ZNF362: variants seen among roughly 807,000 people sequenced by gnomAD.
ZNF362 encodes zinc finger protein 362.
A neutral mutation model predicts 42.9 loss-of-function variants in ZNF362; 11 were observed. That is an observed-to-expected ratio of 0.26 (90% CI 0.16 to 0.42). ZNF362 has a LOEUF of 0.42. Among genes scored for constraint, ZNF362 ranks in the 20% least tolerant of loss-of-function variants. The probability of loss-of-function intolerance (pLI) is 1.00; values close to 1 mark genes in which losing one functional copy is unlikely to be tolerated. For synonymous variants in ZNF362, 255 were observed against 257.3 expected, an observed-to-expected ratio of 0.99 and a Z score of 0.09; for missense variants, 362 against 576.2, an observed-to-expected ratio of 0.63 and a Z score of 3.81.
At chr1:33,229,036 C>T in the ZNF362 span, among the ~76,000 whole-genome samples, 7 of 152,112 alleles carry the variant, frequency 4.6e-5, no homozygotes, top group Admixed American at 2.0e-4. Flanking sequence ...TGGTTTTCCT[C>T]GAGGTATCTG....
intron 1 of ZNF362, among the ~76,000 whole-genome samples, chr1:33,256,890 G>C (rs1330189760): frequency 6.6e-6 from 1 of 150,426 alleles, no homozygotes; most frequent in South Asian, 2.1e-4. Context: ...GGCGTGTCTG[G>C]GGCTGGTCTC....
At chr1:33,177,051 G>A in the ZNF362 span, among the ~76,000 whole-genome samples, 2 of 12,852 alleles carry the variant, frequency 1.6e-4, no homozygotes, top group Admixed American at 5.1e-4. This position sits in a 1 kb window ranked among gnomAD's most constrained non-coding sequence, Gnocchi z 4.1. Flanking sequence ...ACACACACAC[G>A]CACACACACA....
the ZNF362 span, among the ~76,000 whole-genome samples, chr1:33,230,172 A>G: frequency 6.6e-6 from 1 of 152,172 alleles, no homozygotes; most frequent in African/African-American, 2.4e-5. Flanking sequence ...TTAACATTCC[A>G]ATGTCTCAGT....
chr1:33,295,158 C>G lies in ZNF362; in HGVS notation c.999C>G (p.Arg333=). 2.5e-6 allele frequency: 4 copies of G among 1,614,144 alleles called. No homozygotes were observed. Among genetic ancestry groups the G allele is most frequent in the South Asian group, 1.1e-5 (1 of 91,086 alleles). ...CTGTGCCCCTACAGTCTCACCAGCG[C>G]CAGCACAACAAGGACAAGCCCTACA... ...TQLSNLQSHQ[R]QHNKDKPYKC... The change falls in exon 8 of 9, where the codon CGC becomes CGG. Residue 333 remains arginine (R), a synonymous_variant. Coordinates refer to ENST00000539719, the MANE Select transcript of ZNF362 (RefSeq NM_152493.3).
the ZNF362 span, among the ~76,000 whole-genome samples, chr1:33,247,791 C>G: frequency 1.3e-5 from 2 of 152,236 alleles, no homozygotes; most frequent in Non-Finnish European, 2.9e-5. Flanking sequence ...TAAGTAGTTA[C>G]TGTCATCGGC....
chr1:33,157,987 C>T, the ZNF362 span, among the ~76,000 whole-genome samples: 6 of 152,158 alleles, frequency 3.9e-5, no homozygotes, highest in Admixed American at 2.0e-4. Flanking sequence ...GAACTCCTGA[C>T]CTCATGATCC....
the ZNF362 span, among the ~76,000 whole-genome samples, chr1:33,229,393 TTTCTA>T: frequency 6.6e-6 from 1 of 150,552 alleles, no homozygotes; most frequent in Non-Finnish European, 1.5e-5. Flanking sequence ...CAAAAAGTCA[TTTCTA>T]TTCTGCCTTT....
chr1:33,293,554 G>A (rs1285029324), intron 6 of ZNF362, among the ~76,000 whole-genome samples: 2 of 152,202 alleles, frequency 1.3e-5, no homozygotes, highest in Non-Finnish European at 2.9e-5. Context: ...CCCAGTCAGT[G>A]AGAGGGGCTG....
chr1:33,191,944 G>A, the ZNF362 span, among the ~76,000 whole-genome samples: 1 of 152,222 alleles, frequency 6.6e-6, no homozygotes, highest in African/African-American at 2.4e-5. Context: ...TCTGCCTTAG[G>A]GGAGGCCTCT....
the ZNF362 span, among the ~76,000 whole-genome samples, chr1:33,220,033 G>A: frequency 6.6e-6 from 1 of 152,174 alleles, no homozygotes; most frequent in Admixed American, 6.5e-5. Flanking sequence ...TTTCTGATGG[G>A]CATGACTATG....
chr1:33,250,716 C>G, the ZNF362 span, among the ~76,000 whole-genome samples: 3 of 149,718 alleles, frequency 2.0e-5, no homozygotes, highest in Admixed American at 1.3e-4. Context: ...ATCTGCACAT[C>G]CTGCACATGT....
the ZNF362 span, among the ~76,000 whole-genome samples, chr1:33,250,852 G>GGAAGAAGAATAAGAAGAA: frequency 7.3e-6 from 1 of 137,484 alleles, no homozygotes; most frequent in Non-Finnish European, 1.5e-5. Flanking sequence ...GAAGAAAGAA[G>GGAAGAAGAATAAGAAGAA]GAAGAAGAAG....
Position 33,299,088 on chromosome 1 carries a change from C to T in ZNF362, c.*42C>T. ...GCCCCACCCGGCCCACTGGCAGACA[C>T]AGACCCAGGCAGCACCAGGCCCCAG... On this transcript the variant is annotated 3_prime_UTR_variant, in exon 9 of 9. Transcript: ENST00000539719. The T allele has an allele frequency of 6.6e-7, 1 of 1,508,372 alleles. No individual in the cohort carries two copies. The highest frequency in any genetic ancestry group is 1.1e-5 in the South Asian group (1 of 89,122). The allele number at this position is 1,508,372 out of a possible 1,614,324, so 93.4% of individuals were successfully genotyped here. A position where few individuals can be genotyped will look rare whatever the true frequency, so the allele number is the denominator to read the frequency against.
At chr1:33,235,325 A>G in the ZNF362 span, among the ~76,000 whole-genome samples, 1 of 151,814 alleles carries the variant, frequency 6.6e-6, no homozygotes, top group South Asian at 2.1e-4. Context: ...GGCCAGACAC[A>G]TGATTAGTTT....
In ZNF362 at chr1:33,280,491, C is replaced by T. The variant is rs201466423; in HGVS notation, c.683+34C>T. 328 of 1,515,658 alleles carry T rather than the reference C, an allele frequency of 2.2e-4. 1 individual carries two copies. The African/African-American group carries it at 4.3e-3, about 20-fold the overall frequency. The allele number at this position is 1,515,658 out of a possible 1,614,324, so 93.9% of individuals were successfully genotyped here. A position where few individuals can be genotyped will look rare whatever the true frequency, so the allele number is the denominator to read the frequency against. ...CTTGGCGGGATGGGGTCCGAGTGGG[C>T]TTGGGGCTGGGGCTTGAGCCAGGGC... On this transcript the variant is annotated intron_variant, in intron 5 of 8. Transcript: ENST00000539719. This position sits in a 1 kb window ranked among gnomAD's most constrained non-coding sequence, Gnocchi z 5.6.
At chr1:33,243,791 A>G in the ZNF362 span, among the ~76,000 whole-genome samples, 3 of 90,550 alleles carry the variant, frequency 3.3e-5, no homozygotes, top group African/African-American at 4.3e-5. Flanking sequence ...TTGTATTTTT[A>G]GTAGAGACAG....
intron 1 of ZNF362, among the ~76,000 whole-genome samples, chr1:33,264,905 A>G (rs1380227227): frequency 6.6e-6 from 1 of 152,050 alleles, no homozygotes; most frequent in Non-Finnish European, 1.5e-5. Context: ...CTCCTGATAC[A>G]TGCTTTGTAA....
At chr1:33,274,690 T>C (rs1173131266) in intron 2 of ZNF362, among the ~76,000 whole-genome samples, 1 of 152,190 alleles carries the variant, frequency 6.6e-6, no homozygotes, top group South Asian at 2.1e-4. Context: ...CATTTGCATA[T>C]GGGCATTTGC....
chr1:33,188,781 A>G, the ZNF362 span, among the ~76,000 whole-genome samples: 35 of 152,216 alleles, frequency 2.3e-4, no homozygotes, highest in Non-Finnish European at 4.7e-4. Context: ...GCTCTGGGGC[A>G]GCTAAGGAGA....
Sources: allele counts gnomAD v4.1 joint callset (sites outside exome capture counted in the v4.1 genomes callset), GRCh38; gene constraint gnomAD v4.1.1; non-coding constraint Gnocchi (gnomAD v3.1); transcripts MANE v1.5; gene names NCBI Gene and HGNC (gene_info 2026-07-23, HGNC 2026-07-21).